DENND4C: variants seen among roughly 807,000 people sequenced by gnomAD.
The protein encoded by DENND4C is DENN domain-containing protein 4C.
A neutral mutation model predicts 203.0 loss-of-function variants in DENND4C; 108 were observed. The ratio of observed to expected loss-of-function variants is 0.53; its 90% CI spans 0.46 to 0.62. The LOEUF is 0.62. Ranked by LOEUF, DENND4C falls within the 20% of genes least tolerant of loss-of-function variation. The pLI, the probability that DENND4C is intolerant of heterozygous loss-of-function variation, is 0.00. For synonymous variants in DENND4C, 871 were observed against 792.4 expected, an observed-to-expected ratio of 1.10 and a Z score of -1.67; for missense variants, 2,481 against 2,301.2, an observed-to-expected ratio of 1.08 and a Z score of -1.60.
chr9:19,372,239 G>GTT lies in DENND4C; in HGVS notation c.*74_*75dup. 6.5e-7 allele frequency: 1 copy of GTT among 1,533,166 alleles called. No individual in the cohort carries two copies. The highest frequency in any genetic ancestry group is 8.8e-7 in the Non-Finnish European group (1 of 1,137,508). 95.0% of individuals were successfully genotyped at this position (1,533,166 alleles called of 1,614,324 possible). A position where few individuals can be genotyped will look rare whatever the true frequency, so the allele number is the denominator to read the frequency against. On this transcript the variant is annotated 3_prime_UTR_variant, in exon 33 of 33. Coordinates refer to ENST00000434457, the MANE Select transcript of DENND4C (RefSeq NM_001330640.2). ...TTAGATTTCATCTGGAAACATTCAAGTTTTTTTTTCCAAATCGTAAGAACT... is the reference window on the plus strand; with the variant it reads ...TTAGATTTCATCTGGAAACATTCAAGTTTTTTTTTTTCCAAATCGTAAGAACT...
intron 28 of DENND4C, among the ~76,000 whole-genome samples, chr9:19,359,623 A>T (rs1365042580): frequency 2.0e-5 from 3 of 151,748 alleles, no homozygotes; most frequent in African/African-American, 7.3e-5. Flanking sequence ...GGGTCCCTTT[A>T]GAGGGAAATG....
chr9:19,296,313 G>A (rs1004869124), intron 6 of DENND4C, 67 bp downstream of exon 6: 17 of 992,384 alleles, frequency 1.7e-5, no homozygotes, highest in Non-Finnish European at 2.5e-5. Context: ...ATTTGTTTGT[G>A]TAATTTTTAG....
At chr9:19,296,581 C>CT (rs1837517779) in intron 6 of DENND4C, among the ~76,000 whole-genome samples, 1 of 152,056 alleles carries the variant, frequency 6.6e-6, no homozygotes, top group South Asian at 2.1e-4. Flanking sequence ...TCTTGAACTC[C>CT]TGACCTCATG....
At chr9:19,264,587 G>A (rs1163227893) in intron 1 of DENND4C, among the ~76,000 whole-genome samples, 2 of 152,138 alleles carry the variant, frequency 1.3e-5, no homozygotes, top group Admixed American at 6.5e-5. Context: ...GATTACAGGC[G>A]TTAGCCACCA....
chr9:19,316,847 G>A lies in DENND4C; in HGVS notation c.1807+8G>A, dbSNP rs746129617. 8.7e-6 allele frequency: 14 copies of A among 1,601,172 alleles called. No homozygotes were observed. Among genetic ancestry groups the A allele is most frequent in the Non-Finnish European group, 9.4e-6 (11 of 1,175,368 alleles). ...CATTGTTTGACCGACAGGGTGAGTA[G>A]CATTGAAAGTACAATTCCTTTTATT... On this transcript the variant is annotated splice_region_variant and intron_variant, in intron 12 of 32. Coordinates refer to ENST00000434457, the MANE Select transcript of DENND4C (RefSeq NM_001330640.2).
chr9:19,373,781 CAG>C lies in DENND4C; in HGVS notation c.*1609_*1610del. ...ATGCAGATGACTAAATGAGTTGACACAGTAAAATTACTTCCATATGGTACAGT... is the reference window on the plus strand; with the variant it reads ...ATGCAGATGACTAAATGAGTTGACACTAAAATTACTTCCATATGGTACAGT... On this transcript the variant is annotated 3_prime_UTR_variant, in exon 33 of 33. Transcript: ENST00000434457. 6.6e-6 allele frequency among the ~76,000 whole-genome samples: 1 copy of C among 152,174 alleles called. No individual in the cohort carries two copies. Among genetic ancestry groups the C allele is most frequent in the South Asian group, 2.1e-4 (1 of 4,830 alleles).
At chr9:19,247,079 A>G (rs1469033053) in intron 1 of DENND4C, among the ~76,000 whole-genome samples, 1 of 152,124 alleles carries the variant, frequency 6.6e-6, no homozygotes, top group Admixed American at 6.6e-5. Flanking sequence ...TCAGCATTTG[A>G]CACAAGTGAT....
chr9:19,299,952 C>G (rs1280903962), intron 8 of DENND4C, among the ~76,000 whole-genome samples: 1 of 152,198 alleles, frequency 6.6e-6, no homozygotes, highest in South Asian at 2.1e-4. Context: ...CTTCTGAGCT[C>G]AACTCAAATG....
In DENND4C at chr9:19,276,253, C is replaced by G. The variant is rs1363893906; in HGVS notation, c.79C>G (p.Gln27Glu). Residue 27 changes from glutamine to glutamate, a missense_variant, in exon 2 of 33, where the codon CAA becomes GAA. By Grantham distance (29) the Gln-to-Glu change is conservative. Around this residue, in one of 3 missense-constraint regions of DENND4C, gnomAD observed 187 missense variants for 167.4 expected, o/e 1.12. Coordinates refer to ENST00000434457, the MANE Select transcript of DENND4C (RefSeq NM_001330640.2). ...CACTGACACATCTACTCTTTTGGATCAAGAAATAAATCGTTTAGATACTAA... is the reference window on the plus strand; with the variant it reads ...CACTGACACATCTACTCTTTTGGATGAAGAAATAAATCGTTTAGATACTAA... Reference protein sequence around the residue: ...GLTDTSTLLDQEINRLDTKST... With the variant: ...GLTDTSTLLDEEINRLDTKST... 5 of 1,232,012 alleles carry G rather than the reference C, an allele frequency of 4.1e-6. No homozygotes were observed. In the South Asian group the frequency reaches 1.2e-4, roughly 30 times the overall value. The allele number at this position is 1,232,012 out of a possible 1,614,324, so 76.3% of individuals were successfully genotyped here.
chr9:19,258,843 C>T (rs1828647437), intron 1 of DENND4C, among the ~76,000 whole-genome samples: 1 of 151,872 alleles, frequency 6.6e-6, no homozygotes, highest in South Asian at 2.1e-4. Context: ...TTATTAGAGA[C>T]GGGGTTTCAC....
chr9:19,268,916 T>C (rs893908487), intron 1 of DENND4C, among the ~76,000 whole-genome samples: 1 of 152,186 alleles, frequency 6.6e-6, no homozygotes, highest in South Asian at 2.1e-4. Flanking sequence ...GAGGTAGTTT[T>C]GAGTTAAATT....
rs1817785501 is a variant in DENND4C, at chr9:19,326,154, C to G, written c.2080C>G (p.Pro694Ala). The G allele has an allele frequency of 3.1e-6, 5 of 1,613,208 alleles. No homozygotes were observed. The highest frequency in any genetic ancestry group is 4.2e-6 in the Non-Finnish European group (5 of 1,179,630). ...EHTVFIMPPE[P>A]PPDDGKDLSP... Reference sequence around the variant, plus strand: ...TACTGTATTTATAATGCCGCCAGAGCCACCTCCTGATGATGGAAAGGACCT... The same window carrying G: ...TACTGTATTTATAATGCCGCCAGAGGCACCTCCTGATGATGGAAAGGACCT... Residue 694 changes from proline to alanine, a missense_variant, in exon 15 of 33, where the codon CCA (proline) becomes GCA (alanine). By Grantham distance (27) the Pro-to-Ala change is conservative (BLOSUM62 -1). Coordinates refer to ENST00000434457, the MANE Select transcript of DENND4C (RefSeq NM_001330640.2).
chr9:19,324,514 G>T lies in DENND4C; in HGVS notation c.1953+7G>T, dbSNP rs1843394524. ...TGATGACTGCATAGAAAAGGTAAAA[G>T]TTTGTACTTATACTAGTGTTTAGAA... On this transcript the variant is annotated splice_region_variant and intron_variant, in intron 13 of 32. Coordinates refer to ENST00000434457, the MANE Select transcript of DENND4C (RefSeq NM_001330640.2). The T allele has an allele frequency of 1.9e-6, 3 of 1,598,314 alleles. No homozygotes were observed. In the African/African-American group the frequency reaches 4.1e-5, roughly 22 times the overall value.
Position 19,373,372 on chromosome 9 carries a change from GTGCTTAAAA to G in DENND4C, c.*1204_*1212del, listed in dbSNP as rs1442269227. ...AATAATTTATGGAATTCATTGGAAT[GTGCTTAAAA>G]TGCTAAAGTGTATGTCATTGAACAT... On this transcript the variant is annotated 3_prime_UTR_variant, in exon 33 of 33. Transcript: ENST00000434457. The G allele has an allele frequency of 6.6e-6, 1 of 152,614 alleles. No individual in the cohort carries two copies. Among genetic ancestry groups the G allele is most frequent in the Non-Finnish European group, 1.5e-5 (1 of 68,038 alleles). 9.5% of individuals were successfully genotyped at this position (152,614 alleles called of 1,614,324 possible).
chr9:19,250,896 G>C (rs1826399516), intron 1 of DENND4C, among the ~76,000 whole-genome samples: 1 of 152,222 alleles, frequency 6.6e-6, no homozygotes, highest in South Asian at 2.1e-4. Flanking sequence ...CCTCCCTCCG[G>C]TGTGCTTTCA....
chr9:19,349,561 A>G (rs1823630995), intron 23 of DENND4C, among the ~76,000 whole-genome samples: 1 of 152,226 alleles, frequency 6.6e-6, no homozygotes, highest in South Asian at 2.1e-4. Context: ...ACCTGGCAAA[A>G]GGCAAATAGG....
chr9:19,274,358 C>T (rs1173173855), intron 1 of DENND4C, among the ~76,000 whole-genome samples: 5 of 150,814 alleles, frequency 3.3e-5, no homozygotes, highest in African/African-American at 7.4e-5. Flanking sequence ...TGCAATGGTG[C>T]GATCTCGGCT....
At chr9:19,362,638 T>C (rs1234398657) in intron 30 of DENND4C, among the ~76,000 whole-genome samples, 1 of 150,704 alleles carries the variant, frequency 6.6e-6, no homozygotes, top group Non-Finnish European at 1.5e-5. Flanking sequence ...AGTTGAGTAA[T>C]TTTTTTGGTG....
intron 1 of DENND4C, among the ~76,000 whole-genome samples, chr9:19,247,004 T>C (rs73423066): frequency 0.063 from 9,632 of 152,226 alleles, 569 homozygotes; most frequent in African/African-American, 0.15. Flanking sequence ...CTGGCTCTTT[T>C]GCACTCCCAC....
Sources: allele counts gnomAD v4.1 joint callset (sites outside exome capture counted in the v4.1 genomes callset), GRCh38; gene constraint gnomAD v4.1.1; regional missense constraint gnomAD v4.1.1; transcripts MANE v1.5; gene names NCBI Gene and HGNC (gene_info 2026-07-23, HGNC 2026-07-21).